CACNB4: variants seen among roughly 807,000 people sequenced by gnomAD.
The protein encoded by CACNB4 is calcium voltage-gated channel auxiliary subunit beta 4.
CACNB4 carries 32 observed loss-of-function variants against 71.2 expected under a neutral mutation model. The observed-to-expected ratio is 0.45, with a 90% confidence interval of 0.34 to 0.60. CACNB4 has a LOEUF of 0.60. Ranked by LOEUF, CACNB4 falls within the 20% of genes least tolerant of loss-of-function variation. CACNB4 has a pLI of 0.01. For synonymous variants in CACNB4, 231 were observed against 236.9 expected (o/e 0.97, Z 0.23); for missense variants, 464 against 647.9 (o/e 0.72, Z 3.08).
At chr2:151,903,477 C>T (rs1207687887) in intron 2 of CACNB4, among the ~76,000 whole-genome samples, 1 of 152,152 alleles carries the variant, frequency 6.6e-6, no homozygotes, top group Admixed American at 6.5e-5. Flanking sequence ...CAAGACTGCG[C>T]CACAGCACTC....
At chr2:151,843,238 G>A (rs1173636032) in intron 12 of CACNB4, among the ~76,000 whole-genome samples, 1 of 152,222 alleles carries the variant, frequency 6.6e-6, no homozygotes, top group Admixed American at 6.5e-5. Flanking sequence ...ACTCTTCAGA[G>A]GGAAACCAGA....
chr2:151,954,395 C>T (rs1468939329), intron 2 of CACNB4, among the ~76,000 whole-genome samples: 1 of 152,196 alleles, frequency 6.6e-6, no homozygotes, highest in Admixed American at 6.5e-5. Context: ...ATTCTGTCAT[C>T]CATGGGGAAA....
intron 8 of CACNB4, chr2:151,870,176 C>T: frequency 1.5e-6 from 1 of 665,230 alleles, no homozygotes; most frequent in Admixed American, 2.1e-5. Context: ...ATTGTTTGTC[C>T]TCTTGTGCTG....
At chr2:151,935,462 T>C (rs993233394) in intron 2 of CACNB4, among the ~76,000 whole-genome samples, 3 of 152,242 alleles carry the variant, frequency 2.0e-5, no homozygotes, top group South Asian at 2.1e-4. Flanking sequence ...TCTCTGAATA[T>C]GTGAAATTTA....
chr2:151,839,711 A>G (rs1235987527), intron 13 of CACNB4, among the ~76,000 whole-genome samples: 1 of 152,248 alleles, frequency 6.6e-6, no homozygotes, highest in African/African-American at 2.4e-5. Flanking sequence ...TATTGCAAAA[A>G]TGAAAATTAT....
intron 2 of CACNB4, among the ~76,000 whole-genome samples, chr2:151,932,285 C>T (rs1361927609): frequency 6.6e-6 from 1 of 152,006 alleles, no homozygotes; most frequent in Non-Finnish European, 1.5e-5. Flanking sequence ...GAAAGTAACA[C>T]ATCTTGGAAG....
intron 2 of CACNB4, among the ~76,000 whole-genome samples, chr2:151,943,574 C>T (rs990771731): frequency 6.6e-6 from 1 of 151,910 alleles, no homozygotes; most frequent in African/African-American, 2.4e-5. Flanking sequence ...AAAAGCAGTA[C>T]AAATATTCAT....
intron 2 of CACNB4, among the ~76,000 whole-genome samples, chr2:152,006,332 C>A (rs1277760988): frequency 6.6e-6 from 1 of 152,148 alleles, no homozygotes; most frequent in Non-Finnish European, 1.5e-5. Flanking sequence ...TTGTTACCTG[C>A]TGGCCTCTGA....
intron 2 of CACNB4, among the ~76,000 whole-genome samples, chr2:152,074,658 C>T (rs2105386988): frequency 1.1e-5 from 1 of 94,522 alleles, no homozygotes; most frequent in African/African-American, 5.1e-5. Context: ...CACCATCACC[C>T]CCTCACCATT....
At chr2:151,904,977 T>C (rs1411641846) in intron 2 of CACNB4, among the ~76,000 whole-genome samples, 1 of 152,196 alleles carries the variant, frequency 6.6e-6, no homozygotes, top group Admixed American at 6.5e-5. Context: ...ATGTAATGCA[T>C]AGTTTTTCAA....
At chr2:151,841,222 A>G (rs1305313655) in intron 13 of CACNB4, among the ~76,000 whole-genome samples, 1 of 152,252 alleles carries the variant, frequency 6.6e-6, no homozygotes, top group Non-Finnish European at 1.5e-5. Context: ...TGAAAGGCCT[A>G]TCTGCACCTA....
chr2:152,069,713 T>C (rs1468504715), intron 2 of CACNB4, among the ~76,000 whole-genome samples: 5 of 152,010 alleles, frequency 3.3e-5, no homozygotes, highest in Non-Finnish European at 7.4e-5. Context: ...CAATCACATA[T>C]TAAAAAGAGC....
intron 8 of CACNB4, 39 bp downstream of exon 8, chr2:151,870,492 C>T (rs1277453248): frequency 4.6e-6 from 7 of 1,532,738 alleles, no homozygotes; most frequent in Middle Eastern, 3.4e-4. Context: ...CTCCTGGGTG[C>T]TCGATCAAGA....
chr2:152,035,541 C>A (rs546821797), intron 2 of CACNB4, among the ~76,000 whole-genome samples: 22 of 151,974 alleles, frequency 1.4e-4, no homozygotes, highest in Middle Eastern at 3.4e-3. Flanking sequence ...GCCTGGGCAA[C>A]AGAGCGAAAC....
chr2:152,019,378 A>G (rs994341046), intron 2 of CACNB4, among the ~76,000 whole-genome samples: 1 of 152,222 alleles, frequency 6.6e-6, no homozygotes, highest in African/African-American at 2.4e-5. Flanking sequence ...AGTTAGATGT[A>G]TATGAGTGTA....
At chr2:151,959,341 A>C (rs2099869073) in intron 2 of CACNB4, among the ~76,000 whole-genome samples, 1 of 152,204 alleles carries the variant, frequency 6.6e-6, no homozygotes, top group African/African-American at 2.4e-5. Flanking sequence ...AAATACCCTA[A>C]GAATCAGATG....
At chr2:151,992,030 G>C (rs180901971) in intron 2 of CACNB4, among the ~76,000 whole-genome samples, 1 of 152,146 alleles carries the variant, frequency 6.6e-6, no homozygotes, top group Non-Finnish European at 1.5e-5. Context: ...CTCCAGAATG[G>C]CCCCCCTGAA....
chr2:152,013,650 C>A (rs980302126), intron 2 of CACNB4, among the ~76,000 whole-genome samples: 1 of 152,068 alleles, frequency 6.6e-6, no homozygotes, highest in African/African-American at 2.4e-5. Context: ...AAGGACCCTT[C>A]CCCCAGGATA....
chr2:151,925,714 A>AGGGGGGGG (rs2099860065), intron 2 of CACNB4, among the ~76,000 whole-genome samples: 1 of 150,342 alleles, frequency 6.7e-6, no homozygotes. Flanking sequence ...GAGGGTGGGG[A>AGGGGGGGG]GGCTAGGGTG....
Sources: gnomAD v4.1 joint callset for allele counts (sites outside exome capture counted in the v4.1 genomes callset) on GRCh38, gnomAD v4.1.1 for gene constraint, MANE v1.5 for transcripts, NCBI Gene and HGNC (gene_info 2026-07-23, HGNC 2026-07-21) for gene names.